The following SAMTOR variants were observed in gnomAD, a reference collection of about 807,000 sequenced individuals.
The protein encoded by SAMTOR is UPF0532 protein C7orf60.
the SAMTOR span, among the ~76,000 whole-genome samples, chr7:112,869,110 C>T: frequency 1.3e-5 from 2 of 152,146 alleles, no homozygotes; most frequent in Non-Finnish European, 2.9e-5. Context: ...AAGTGAAGCA[C>T]AAGCCACTGA....
chr7:112,832,624 A>G, the SAMTOR span: 3 of 1,613,604 alleles, frequency 1.9e-6, no homozygotes, highest in Non-Finnish European at 1.7e-6. Flanking sequence ...GAAATGGGTT[A>G]AAGCAGCTGC....
chr7:112,895,320 G>A, the SAMTOR span, among the ~76,000 whole-genome samples: 7 of 151,466 alleles, frequency 4.6e-5, no homozygotes, highest in Non-Finnish European at 4.4e-5. Flanking sequence ...TTATATAATC[G>A]TATTTAATGA....
chr7:112,825,766 C>T, the SAMTOR span, among the ~76,000 whole-genome samples: 3 of 151,896 alleles, frequency 2.0e-5, no homozygotes, highest in African/African-American at 7.2e-5. Flanking sequence ...GTGAGAAAAG[C>T]ATTTTTCTTT....
the SAMTOR span, among the ~76,000 whole-genome samples, chr7:112,823,496 T>C: frequency 1.2e-4 from 19 of 152,320 alleles, no homozygotes; most frequent in African/African-American, 4.6e-4. Context: ...TATTAATAGT[T>C]TATTCCTTTT....
chr7:112,901,854 C>G, the SAMTOR span, among the ~76,000 whole-genome samples: 3 of 152,170 alleles, frequency 2.0e-5, no homozygotes, highest in African/African-American at 7.2e-5. Flanking sequence ...TTTACAGCAG[C>G]TTTATTCATA....
the SAMTOR span, among the ~76,000 whole-genome samples, chr7:112,828,550 C>T: frequency 6.6e-6 from 1 of 152,126 alleles, no homozygotes; most frequent in Non-Finnish European, 1.5e-5. Context: ...TTGATTACCT[C>T]TGTAAAGCTC....
chr7:112,836,522 G>C, the SAMTOR span, among the ~76,000 whole-genome samples: 3 of 151,988 alleles, frequency 2.0e-5, no homozygotes, highest in South Asian at 6.2e-4. Context: ...AATTACTTTT[G>C]GCATCTTTGT....
the SAMTOR span, among the ~76,000 whole-genome samples, chr7:112,923,673 C>G: frequency 3.3e-5 from 5 of 151,874 alleles, no homozygotes; most frequent in East Asian, 9.7e-4. Context: ...TACCATTTGA[C>G]CCAGCCATCC....
At chr7:112,848,147 T>C in the SAMTOR span, among the ~76,000 whole-genome samples, 1 of 152,100 alleles carries the variant, frequency 6.6e-6, no homozygotes, top group Non-Finnish European at 1.5e-5. Context: ...AGTGAGACTC[T>C]GTATCTTAAA....
chr7:112,921,276 C>G, the SAMTOR span, among the ~76,000 whole-genome samples: 1 of 152,088 alleles, frequency 6.6e-6, no homozygotes, highest in Non-Finnish European at 1.5e-5. Context: ...AGAACAGACG[C>G]CTCAGAAATA....
chr7:112,886,604 T>A, the SAMTOR span, among the ~76,000 whole-genome samples: 1 of 152,242 alleles, frequency 6.6e-6, no homozygotes, highest in Admixed American at 6.5e-5. Context: ...CATCAGCTTA[T>A]GTTTGAGCCG....
chr7:112,905,665 A>C, the SAMTOR span, among the ~76,000 whole-genome samples: 1 of 152,198 alleles, frequency 6.6e-6, no homozygotes, highest in Non-Finnish European at 1.5e-5. Flanking sequence ...AAATCTAAGA[A>C]GAAAACACAT....
At chr7:112,851,632 A>G in the SAMTOR span, among the ~76,000 whole-genome samples, 1 of 152,156 alleles carries the variant, frequency 6.6e-6, no homozygotes, top group Admixed American at 6.5e-5. Flanking sequence ...CATGAATTCA[A>G]AAGCACGAGA....
chr7:112,918,975 T>A, the SAMTOR span, among the ~76,000 whole-genome samples: 1 of 152,128 alleles, frequency 6.6e-6, no homozygotes, highest in African/African-American at 2.4e-5. Flanking sequence ...ACAAAGAGAC[T>A]TAGACTCCCA....
chr7:112,926,432 A>T, the SAMTOR span, among the ~76,000 whole-genome samples: 4 of 152,318 alleles, frequency 2.6e-5, no homozygotes, highest in African/African-American at 9.6e-5. Flanking sequence ...AATTCTCTGA[A>T]ATACCACCTA....
At chr7:112,928,814 T>A in the SAMTOR span, among the ~76,000 whole-genome samples, 1 of 152,012 alleles carries the variant, frequency 6.6e-6, no homozygotes, top group Admixed American at 6.6e-5. Context: ...TTAAAAAGGC[T>A]TTTTCATTTT....
At chr7:112,853,919 T>A in the SAMTOR span, among the ~76,000 whole-genome samples, 1 of 152,154 alleles carries the variant, frequency 6.6e-6, no homozygotes, top group African/African-American at 2.4e-5. Flanking sequence ...TTCTATTTCG[T>A]ATCTTTTAGA....
chr7:112,933,215 A>G, the SAMTOR span, among the ~76,000 whole-genome samples: 1 of 152,250 alleles, frequency 6.6e-6, no homozygotes, highest in African/African-American at 2.4e-5. Flanking sequence ...GTACTGTATG[A>G]TAAAACAGCA....
chr7:112,835,247 A>G, the SAMTOR span, among the ~76,000 whole-genome samples: 17 of 152,258 alleles, frequency 1.1e-4, no homozygotes, highest in Middle Eastern at 3.4e-3. Context: ...CTCCAGGTAC[A>G]TAAGTTCCTA....
Sources: gnomAD v4.1 joint callset for allele counts (sites outside exome capture counted in the v4.1 genomes callset) on GRCh38, gnomAD v4.1.1 for gene constraint, MANE v1.5 for transcripts, NCBI Gene and HGNC (gene_info 2026-07-23, HGNC 2026-07-21) for gene names.